EFHC2: variants seen among roughly 807,000 people sequenced by gnomAD.
EFHC2 encodes the protein EF-hand domain containing 2.
In EFHC2, 18 loss-of-function variants were observed where a neutral mutation model predicts 52.7. The ratio of observed to expected loss-of-function variants is 0.34; its 90% confidence interval spans 0.24 to 0.51. The LOEUF (loss-of-function observed/expected upper bound fraction) is 0.51, where lower values mean the gene tolerates loss of function less well. EFHC2 is among the 20% of genes least tolerant of loss of function. The pLI is 0.97. For missense variants in EFHC2, 513 were observed against 562.5 expected (o/e 0.91, Z 0.89); for synonymous variants, 203 against 204.1 (o/e 0.99, Z 0.04).
rs563941451 is a variant in EFHC2, at chrX:44,202,191, G to A, written c.1752-23627C>T. Among the ~76,000 whole-genome samples the A allele has an allele frequency of 3.6e-5, 4 of 111,821 alleles. No individual in the cohort carries two copies. The South Asian group carries it at 1.5e-3, about 42-fold the overall frequency. On this transcript the variant is annotated intron_variant, in intron 11 of 14. Transcript: ENST00000420999. ...ATCAATATACAAAACATAATCGGGTGGATCACAAGGTCAGGAGTCCAAGAC... is the reference window on the plus strand; with the variant it reads ...ATCAATATACAAAACATAATCGGGTAGATCACAAGGTCAGGAGTCCAAGAC...
intron 11 of EFHC2, among the ~76,000 whole-genome samples, chrX:44,181,585 T>C (rs1350949873): frequency 2.7e-5 from 3 of 112,937 alleles, no homozygotes; most frequent in Non-Finnish European, 3.7e-5. Flanking sequence ...TTATATCTGC[T>C]GGGTTTCTGT....
intron 14 of EFHC2, among the ~76,000 whole-genome samples, chrX:44,158,605 G>A (rs965980977): frequency 9.0e-6 from 1 of 110,846 alleles, no homozygotes; most frequent in African/African-American, 3.3e-5. Context: ...ACATGTGACT[G>A]GCTGGCTATG....
At chrX:44,336,087 A>T (rs1368257554) in intron 1 of EFHC2, among the ~76,000 whole-genome samples, 1 of 98,633 alleles carries the variant, frequency 1.0e-5, no homozygotes, top group South Asian at 4.4e-4. Context: ...TAAAAATTAA[A>T]ATCAAGAGGA....
intron 1 of EFHC2, among the ~76,000 whole-genome samples, chrX:44,330,083 TACAAAAAA>T (rs1441170870): frequency 1.9e-4 from 1 of 5,377 alleles, no homozygotes; most frequent in African/African-American, 1.4e-3. Flanking sequence ...ACCCTGTCTC[TACAAAAAA>T]AAAAAAAAAA....
chrX:44,185,196 G>T (rs2036864905), intron 11 of EFHC2, among the ~76,000 whole-genome samples: 1 of 112,113 alleles, frequency 8.9e-6, no homozygotes, highest in Admixed American at 9.5e-5. Context: ...AAATGCTTTT[G>T]ATGACTCTGA....
At position 44,343,646 on chromosome X, in the gene EFHC2, G is replaced by A. The variant is rs767289088; in HGVS notation, c.-58C>T. ...AAGAGAGGGCCCGGCAGGCAGCGGC[G>A]CCTCCCGGCCGTGTTGTTTGGCCCC... is the stretch of plus-strand genomic sequence containing the variant. On this transcript the variant is annotated 5_prime_UTR_variant, in exon 1 of 15. Transcript: ENST00000420999. The A allele has an allele frequency of 1.4e-5, 10 of 689,877 alleles. No individual in the cohort carries two copies. Among genetic ancestry groups the A allele is most frequent in the Admixed American group, 6.0e-5 (2 of 33,395 alleles). The allele number at this position is 689,877 out of a possible 1,213,427, so 56.9% of individuals were successfully genotyped here. A position where few individuals can be genotyped will look rare whatever the true frequency, so the allele number is the denominator to read the frequency against.
At chrX:44,292,284 CAG>C (rs1231445799) in intron 2 of EFHC2, among the ~76,000 whole-genome samples, 1 of 110,787 alleles carries the variant, frequency 9.0e-6, no homozygotes, top group Non-Finnish European at 1.9e-5. Context: ...TTCTTGAGAA[CAG>C]AGTGTTTCAG....
intron 3 of EFHC2, among the ~76,000 whole-genome samples, chrX:44,262,512 C>CAAAAAAA (rs749239313): frequency 4.1e-4 from 12 of 29,171 alleles, no homozygotes; most frequent in Admixed American, 7.8e-4. Context: ...AGCCCTGTCT[C>CAAAAAAA]AAAAAAAAAA....
chrX:44,274,735 T>A (rs759192195), intron 2 of EFHC2, among the ~76,000 whole-genome samples: 87 of 109,862 alleles, frequency 7.9e-4, no homozygotes, highest in Non-Finnish European at 1.3e-3. Context: ...CAAAAAAAAA[T>A]TTAAAAATTA....
intron 14 of EFHC2, among the ~76,000 whole-genome samples, chrX:44,152,241 T>G (rs750812066): frequency 8.1e-5 from 9 of 111,461 alleles, no homozygotes; most frequent in Non-Finnish European, 1.7e-4. Context: ...CCTTACGAGA[T>G]AAGTATTATG....
intron 14 of EFHC2, among the ~76,000 whole-genome samples, chrX:44,162,768 C>A (rs1221923566): frequency 9.1e-6 from 1 of 110,257 alleles, no homozygotes; most frequent in Non-Finnish European, 1.9e-5. Context: ...CTTCCTGTTC[C>A]CCCCCAGTCT....
chrX:44,271,959 G>A (rs1006791908), intron 3 of EFHC2, among the ~76,000 whole-genome samples: 1 of 112,108 alleles, frequency 8.9e-6, no homozygotes, highest in Non-Finnish European at 1.9e-5. Context: ...CATGACAAAT[G>A]TTCAGTTCTT....
rs192770139 is a variant in EFHC2 at position 44,159,346 on chromosome X, A to G, written c.2148+4576T>C. ...TGAGCACACTTACATGGGTCAGTAG[A>G]TATTATACTTTTTGCTCCTGTATTC... On this transcript the variant is annotated intron_variant, in intron 14 of 14. Coordinates refer to ENST00000420999, the MANE Select transcript of EFHC2 (RefSeq NM_025184.4). Among the ~76,000 whole-genome samples the G allele has an allele frequency of 1.7e-4, 19 of 111,946 alleles. 1 individual carries two copies. In the East Asian group the frequency reaches 5.3e-3, roughly 31 times the overall value.
chrX:44,302,017 CT>C (rs1014829288), intron 2 of EFHC2, among the ~76,000 whole-genome samples: 1 of 111,552 alleles, frequency 9.0e-6, no homozygotes, highest in African/African-American at 3.3e-5. Flanking sequence ...GTTTTAATTT[CT>C]TTTAGATGGA....
chrX:44,191,380 C>T (rs1411207152), intron 11 of EFHC2, among the ~76,000 whole-genome samples: 2 of 110,750 alleles, frequency 1.8e-5, no homozygotes, highest in African/African-American at 6.6e-5. Flanking sequence ...GAATTACAGG[C>T]GCCCGCCACC....
chrX:44,261,332 A>G (rs756694006), intron 3 of EFHC2, 34 bp from the exon 4 acceptor site: 2 of 1,105,468 alleles, frequency 1.8e-6, no homozygotes, highest in South Asian at 4.5e-5. Flanking sequence ...CTGTTTTATC[A>G]TGTGGCTAAC....
chrX:44,193,717 G>A (rs760957067), intron 11 of EFHC2, among the ~76,000 whole-genome samples: 2 of 111,523 alleles, frequency 1.8e-5, no homozygotes, highest in Admixed American at 9.5e-5. Context: ...TGTAGACAGA[G>A]GGAGAGTGGT....
chrX:44,198,825 C>A (rs977137221), intron 11 of EFHC2, among the ~76,000 whole-genome samples: 1 of 111,244 alleles, frequency 9.0e-6, no homozygotes, highest in East Asian at 2.8e-4. Flanking sequence ...ACACATTAAA[C>A]CTATGCATAA....
intron 12 of EFHC2, 44 bp from the exon 13 acceptor site, chrX:44,176,428 C>T (rs7887384): frequency 0.061 from 54,254 of 893,833 alleles, 1,290 homozygotes; most frequent in Admixed American, 0.1. Flanking sequence ...ACCTTGTATA[C>T]CTTTAGTAAT....
Sources: allele counts gnomAD v4.1 joint callset (sites outside exome capture counted in the v4.1 genomes callset), GRCh38; gene constraint gnomAD v4.1.1; transcripts MANE v1.5; gene names NCBI Gene and HGNC (gene_info 2026-07-23, HGNC 2026-07-21).